Variants in USP16 observed in about 807,000 individuals in gnomAD.
USP16 encodes the protein ubiquitin carboxyl-terminal hydrolase 16.
In USP16, 77 loss-of-function variants were observed where a neutral mutation model predicts 95.9. The ratio of observed to expected loss-of-function variants is 0.80; its 90% CI spans 0.67 to 0.97. USP16 has a LOEUF of 0.97. USP16 is among the 50% of genes least tolerant of loss of function. The probability of loss-of-function intolerance (pLI) is 0.00; values close to 1 mark genes in which losing one functional copy is unlikely to be tolerated. For missense variants in USP16, 943 were observed against 959.9 expected (o/e 0.98, Z 0.23); for synonymous variants, 303 against 318.2 (o/e 0.95, Z 0.51).
intron 3 of USP16, 103 bp from the exon 4 acceptor site, chr21:29,034,734 T>A (rs147428760): frequency 0.016 from 16,304 of 1,041,480 alleles, 312 homozygotes; most frequent in South Asian, 0.062. Flanking sequence ...ATTGTAAGAA[T>A]GGCAGAATTT....
intron 13 of USP16, among the ~76,000 whole-genome samples, chr21:29,044,791 G>A (rs552740537): frequency 1.3e-5 from 2 of 151,978 alleles, no homozygotes; most frequent in African/African-American, 4.8e-5. Flanking sequence ...ACAGTTGCAT[G>A]ATTCTGTGTT....
intron 3 of USP16, 96 bp downstream of exon 3, chr21:29,030,869 T>A: frequency 7.4e-7 from 1 of 1,360,086 alleles, no homozygotes; most frequent in South Asian, 1.5e-5. Context: ...GATAAAAGGA[T>A]ACTAGTAACA....
chr21:29,044,960 C>T (rs1320749475), intron 13 of USP16, among the ~76,000 whole-genome samples: 1 of 152,174 alleles, frequency 6.6e-6, no homozygotes, highest in Non-Finnish European at 1.5e-5. Flanking sequence ...TTGGTTGATA[C>T]TAATTGTCCT....
intron 16 of USP16, among the ~76,000 whole-genome samples, chr21:29,051,907 T>C (rs1354162468): frequency 6.6e-6 from 1 of 152,162 alleles, no homozygotes. Flanking sequence ...TATAAGATTA[T>C]GGTCACATTG....
At chr21:29,030,573 T>C (rs770266885) in intron 2 of USP16, 22 bp from the exon 3 acceptor site, 1 of 1,540,380 alleles carries the variant, frequency 6.5e-7, no homozygotes, top group South Asian at 1.3e-5. Context: ...ATATATTCCT[T>C]GTCTATTATT....
At position 29,034,708 on chromosome 21, in the gene USP16, A is replaced by T. The variant is rs2085127844; in HGVS notation, c.241-129A>T. On this transcript the variant is annotated intron_variant, in intron 3 of 17. Transcript: ENST00000399976. The stretch of plus-strand genomic sequence containing the variant: ...AACAAAATATTGATTCTAGAGTCTA[A>T]CATTTTCTTTTCAAGATTGTAAGAA... 7 of 820,654 alleles carry T rather than the reference A, an allele frequency of 8.5e-6. No individual in the cohort carries two copies. In the Admixed American group the frequency reaches 1.6e-4, roughly 18 times the overall value. 50.8% of individuals were successfully genotyped at this position (820,654 alleles called of 1,614,324 possible).
intron 3 of USP16, among the ~76,000 whole-genome samples, chr21:29,031,498 G>A (rs575071083): frequency 6.6e-6 from 1 of 152,294 alleles, no homozygotes; most frequent in South Asian, 2.1e-4. Flanking sequence ...GAGTGCAGTG[G>A]CACAATCTTG....
chr21:29,030,506 G>A (rs2085061966), intron 2 of USP16, 89 bp from the exon 3 acceptor site: 11 of 1,209,154 alleles, frequency 9.1e-6, no homozygotes, highest in Non-Finnish European at 1.1e-5. Flanking sequence ...TTTCATTTTT[G>A]AAATGTGAAT....
chr21:29,027,788 C>T (rs892642167), intron 1 of USP16, 85 bp from the exon 2 acceptor site: 4 of 862,658 alleles, frequency 4.6e-6, no homozygotes, highest in African/African-American at 3.4e-5. Context: ...GCATAATATA[C>T]GTGGCTTAGT....
chr21:29,026,411 G>C (rs1278470475), intron 1 of USP16, among the ~76,000 whole-genome samples: 1 of 148,424 alleles, frequency 6.7e-6, no homozygotes, highest in Non-Finnish European at 1.5e-5. Flanking sequence ...AGCCGAGATC[G>C]GGCCACTGCA....
chr21:29,053,629 A>C (rs1292153230), intron 16 of USP16, 173 bp from the exon 17 acceptor site: 1 of 579,778 alleles, frequency 1.7e-6, no homozygotes, highest in Non-Finnish European at 2.8e-6. Context: ...TATAATAAAA[A>C]CAGAAGTGTC....
chr21:29,038,139 T>G (rs2085189497), intron 6 of USP16, among the ~76,000 whole-genome samples, 196 bp from the exon 7 acceptor site: 1 of 152,166 alleles, frequency 6.6e-6, no homozygotes, highest in Admixed American at 6.5e-5. Flanking sequence ...ACTGAGGTGA[T>G]GAATAAGCTC....
In USP16 at chr21:29,043,566, A is replaced by G. The variant is rs1248132604; in HGVS notation, c.1323A>G (p.Lys441=). 6.4e-6 allele frequency: 10 copies of G among 1,563,830 alleles called. No individual in the cohort carries two copies. Among genetic ancestry groups the G allele is most frequent in the Non-Finnish European group, 8.6e-6 (10 of 1,162,214 alleles). The change falls in exon 13 of 18, where the codon AAA becomes AAG. Residue 441 remains lysine (K), a synonymous_variant. Coordinates refer to ENST00000399976, the MANE Select transcript of USP16 (RefSeq NM_006447.3). ...IPSGTSKHLQ[K]KAKKQAKKQA... is the part of the protein sequence containing the mutation. ...CTGGAACAAGTAAGCACTTACAGAA[A>G]AAAGCAAAGAAACAAGCCAAAAAGC...
chr21:29,038,463 T>C (rs1200478245), intron 7 of USP16, 33 bp downstream of exon 7: 27 of 1,425,620 alleles, frequency 1.9e-5, no homozygotes, highest in Non-Finnish European at 2.5e-5. Context: ...GTCTGTAACT[T>C]TCCTCTCTGA....
chr21:29,030,511 G>A lies in USP16; in HGVS notation c.62-84G>A, dbSNP rs2085062013. On this transcript the variant is annotated intron_variant, in intron 2 of 17. Transcript: ENST00000399976. ...ATAGAGTAAATTTCATTTTTGAAAT[G>A]TGAATCGAGGGTAAGTTTTGAGATT... The A allele has an allele frequency of 1.7e-5, 21 of 1,230,004 alleles. No individual in the cohort carries two copies. The South Asian group carries it at 4.4e-4, about 26-fold the overall frequency. 76.2% of individuals were successfully genotyped at this position (1,230,004 alleles called of 1,614,324 possible).
Position 29,036,304 on chromosome 21 carries a change from T to C in USP16, c.378T>C (p.Cys126=), listed in dbSNP as rs1392099606. ...CYVCDNEVQY[C]SSNQLGQVVD... is the part of the protein sequence containing the mutation. ...TATGTGATAATGAGGTCCAGTATTG[T>C]AGTTCAAACCAGTTGGGTCAAGTGG... The change falls in exon 5 of 18, where the codon TGT becomes TGC. Residue 126 remains cysteine (C), a synonymous_variant. Transcript: ENST00000399976. 1.9e-6 allele frequency: 3 copies of C among 1,613,846 alleles called. No homozygotes were observed. In the Admixed American group the frequency reaches 5.0e-5, roughly 27 times the overall value.
intron 3 of USP16, among the ~76,000 whole-genome samples, chr21:29,031,314 G>A (rs1033850135): frequency 4.6e-5 from 7 of 152,196 alleles, no homozygotes; most frequent in South Asian, 2.1e-4. Flanking sequence ...AGTTATTACC[G>A]TGGTACTAAA....
At chr21:29,030,510 T>C in intron 2 of USP16, 85 bp from the exon 3 acceptor site, 1 of 1,226,900 alleles carries the variant, frequency 8.2e-7, no homozygotes, top group Non-Finnish European at 1.1e-6. Flanking sequence ...ATTTTTGAAA[T>C]GTGAATCGAG....
chr21:29,034,832 T>C lies in USP16; in HGVS notation c.241-5T>C, dbSNP rs556695224. 1 of 1,614,030 alleles carries C rather than the reference T, an allele frequency of 6.2e-7. No homozygotes were observed. The highest frequency in any genetic ancestry group is 2.2e-5 in the East Asian group (1 of 44,872). On this transcript the variant is annotated splice_region_variant and splice_polypyrimidine_tract_variant and intron_variant, in intron 3 of 17. Coordinates refer to ENST00000399976, the MANE Select transcript of USP16 (RefSeq NM_006447.3). ...CTTTGAGGTTTATGATTATGATTTT[T>C]TTAGGGCTGTGGCAGAAATTCTCAG...
Sources: gnomAD v4.1 joint callset for allele counts (sites outside exome capture counted in the v4.1 genomes callset) on GRCh38, gnomAD v4.1.1 for gene constraint, MANE v1.5 for transcripts, NCBI Gene and HGNC (gene_info 2026-07-23, HGNC 2026-07-21) for gene names.